Variants in DRC2 observed in about 807,000 individuals in gnomAD.
DRC2 encodes the protein coiled-coil domain containing 65.
chr12:48,918,009 A>G, the DRC2 span: 2 of 397,874 alleles, frequency 5.0e-6, no homozygotes, highest in South Asian at 4.6e-5. Context: ...ACTGGGCCAC[A>G]TTTCCAAATG....
the DRC2 span, among the ~76,000 whole-genome samples, chr12:48,915,313 C>T: frequency 1.3e-5 from 2 of 148,622 alleles, no homozygotes; most frequent in Non-Finnish European, 3.0e-5. Flanking sequence ...GGTGATGACT[C>T]TTAATGAGCA....
the DRC2 span, among the ~76,000 whole-genome samples, chr12:48,908,813 C>T: frequency 2.0e-5 from 3 of 151,562 alleles, no homozygotes; most frequent in Admixed American, 2.0e-4. Context: ...ATTGGCCAGG[C>T]TGGTCTCTAA....
At chr12:48,917,922 C>G in the DRC2 span, among the ~76,000 whole-genome samples, 929 of 152,242 alleles carry the variant, frequency 6.1e-3, 3 homozygotes, top group Non-Finnish European at 0.01. Context: ...AATAAGCATC[C>G]TACACTTAAA....
chr12:48,921,028 G>T, the DRC2 span: 1 of 1,613,446 alleles, frequency 6.2e-7, no homozygotes, highest in Non-Finnish European at 8.5e-7. Flanking sequence ...CTCCTAAGGA[G>T]CAGGAGGGGA....
chr12:48,918,080 C>A, the DRC2 span: 1 of 550,840 alleles, frequency 1.8e-6, no homozygotes. Flanking sequence ...CATTTCCTCT[C>A]CAGTTCACCA....
the DRC2 span, chr12:48,918,292 C>G: frequency 6.2e-7 from 1 of 1,614,074 alleles, no homozygotes; most frequent in Non-Finnish European, 8.5e-7. Context: ...AAGAGAAGCA[C>G]TTTCTAAGAC....
the DRC2 span, chr12:48,916,881 T>G: frequency 1.5e-6 from 2 of 1,296,412 alleles, no homozygotes; most frequent in Non-Finnish European, 2.2e-6. Flanking sequence ...GTTTGTACCA[T>G]TCACATAGAT....
At chr12:48,904,986 TTAA>T in the DRC2 span, 31 of 1,613,424 alleles carry the variant, frequency 1.9e-5, no homozygotes, top group Non-Finnish European at 2.6e-5. Flanking sequence ...GCTCTGAACC[TTAA>T]TAAGATTAAC....
At chr12:48,918,063 A>G in the DRC2 span, 1 of 515,544 alleles carries the variant, frequency 1.9e-6, no homozygotes, top group East Asian at 3.2e-5. Flanking sequence ...CCTCCTCCCA[A>G]ATGCAGCATT....
At chr12:48,913,547 C>A in the DRC2 span, among the ~76,000 whole-genome samples, 1 of 150,864 alleles carries the variant, frequency 6.6e-6, no homozygotes, top group Non-Finnish European at 1.5e-5. Context: ...GGCTGGAGTG[C>A]AGTGGTGCAA....
At chr12:48,907,131 C>T in the DRC2 span, among the ~76,000 whole-genome samples, 1 of 152,012 alleles carries the variant, frequency 6.6e-6, no homozygotes, top group Non-Finnish European at 1.5e-5. Context: ...GGGAGAATGG[C>T]GTGAACCCGG....
chr12:48,918,653 T>C, the DRC2 span: 16 of 1,604,666 alleles, frequency 1.0e-5, no homozygotes, highest in South Asian at 1.1e-4. Flanking sequence ...GTTGGTCAAG[T>C]AGATTTCCCC....
the DRC2 span, chr12:48,921,117 A>G: frequency 5.7e-4 from 924 of 1,610,182 alleles, 1 homozygote; most frequent in Non-Finnish European, 6.3e-4. Flanking sequence ...ATTGGGCAGC[A>G]TTTGCTAATG....
At chr12:48,919,354 A>G in the DRC2 span, among the ~76,000 whole-genome samples, 5 of 150,082 alleles carry the variant, frequency 3.3e-5, no homozygotes, top group South Asian at 2.1e-4. Flanking sequence ...AGCCTCCCCA[A>G]TGCACAGCTA....
the DRC2 span, among the ~76,000 whole-genome samples, chr12:48,912,866 G>A: frequency 2.0e-5 from 3 of 151,222 alleles, no homozygotes; most frequent in South Asian, 2.1e-4. Context: ...TGCCAGGGGC[G>A]GTGGCTCACG....
the DRC2 span, chr12:48,921,567 A>G: frequency 2.1e-6 from 3 of 1,458,082 alleles, no homozygotes; most frequent in Middle Eastern, 2.1e-4. Context: ...AAAAATTTCC[A>G]TGGAGTTTAT....
the DRC2 span, among the ~76,000 whole-genome samples, chr12:48,911,771 C>T: frequency 0.39 from 59,934 of 151,774 alleles, 12,623 homozygotes; most frequent in Admixed American, 0.52. Context: ...GGCCTGATTT[C>T]CTAATAGTAT....
the DRC2 span, chr12:48,917,056 A>C: frequency 1.2e-6 from 2 of 1,614,196 alleles, no homozygotes; most frequent in Non-Finnish European, 1.7e-6. Context: ...ATAGATTCTG[A>C]GTATGAAAGC....
the DRC2 span, among the ~76,000 whole-genome samples, chr12:48,913,481 T>G: frequency 6.6e-6 from 1 of 151,224 alleles, no homozygotes; most frequent in East Asian, 1.9e-4. Flanking sequence ...TTTTGTATTT[T>G]TATTATTTAT....
Sources: gnomAD v4.1 joint callset for allele counts (sites outside exome capture counted in the v4.1 genomes callset) on GRCh38, gnomAD v4.1.1 for gene constraint, MANE v1.5 for transcripts, NCBI Gene and HGNC (gene_info 2026-07-23, HGNC 2026-07-21) for gene names.